The following BCKDHB variants were observed in gnomAD, a reference collection of about 807,000 sequenced individuals.
BCKDHB encodes 2-oxoisovalerate dehydrogenase subunit beta, mitochondrial.
In BCKDHB, 41 loss-of-function variants were observed where a neutral mutation model predicts 48.5. That is an observed-to-expected ratio of 0.85 (90% confidence interval 0.66 to 1.10). The LOEUF (loss-of-function observed/expected upper bound fraction) is 1.10, where lower values mean the gene tolerates loss of function less well. Among genes scored for constraint, BCKDHB ranks in the 50% least tolerant of loss-of-function variants. The pLI, the probability that BCKDHB is intolerant of heterozygous loss-of-function variation, is 0.00. For missense variants in BCKDHB, 496 were observed against 494.2 expected (o/e 1.00, Z -0.03); for synonymous variants, 201 against 174.8 (o/e 1.15, Z -1.18).
At chr6:80,426,615 A>G in the BCKDHB span, among the ~76,000 whole-genome samples, 1 of 152,060 alleles carries the variant, frequency 6.6e-6, no homozygotes, top group Non-Finnish European at 1.5e-5. Context: ...TAAATTTCTA[A>G]AGATGTGGGG....
chr6:80,444,691 C>A, the BCKDHB span, among the ~76,000 whole-genome samples: 1,848 of 152,266 alleles, frequency 0.012, 15 homozygotes, highest in Non-Finnish European at 0.02. Context: ...TAAATGCCTA[C>A]TGCATATGTG....
chr6:80,254,744 C>G (rs1415836679), intron 8 of BCKDHB, among the ~76,000 whole-genome samples: 3 of 151,990 alleles, frequency 2.0e-5, no homozygotes, highest in African/African-American at 7.3e-5. Context: ...AACTACAAGA[C>G]AAAGAAGGCT....
At chr6:80,185,144 G>A (rs1397218411) in intron 6 of BCKDHB, among the ~76,000 whole-genome samples, 2 of 151,734 alleles carry the variant, frequency 1.3e-5, no homozygotes, top group East Asian at 3.9e-4. Flanking sequence ...TTTGTCTTTC[G>A]GTTAATTTGT....
intron 9 of BCKDHB, among the ~76,000 whole-genome samples, chr6:80,297,972 A>AT (rs970897592): frequency 2.6e-4 from 39 of 150,710 alleles, no homozygotes; most frequent in South Asian, 4.2e-4. Context: ...AAAACAGAGG[A>AT]TTTTTTTTTT....
intron 8 of BCKDHB, among the ~76,000 whole-genome samples, chr6:80,212,510 T>C (rs1163159210): frequency 1.3e-5 from 2 of 152,184 alleles, no homozygotes; most frequent in African/African-American, 4.8e-5. Context: ...ATCACTGTTA[T>C]TCTGTTCCTT....
chr6:80,330,460 C>G (rs1363150973), intron 9 of BCKDHB, among the ~76,000 whole-genome samples: 1 of 152,022 alleles, frequency 6.6e-6, no homozygotes, highest in East Asian at 1.9e-4. Flanking sequence ...TTTACTGATC[C>G]CTGCTCCATG....
the BCKDHB span, among the ~76,000 whole-genome samples, chr6:80,411,142 C>T: frequency 3.3e-5 from 5 of 152,116 alleles, no homozygotes; most frequent in African/African-American, 1.2e-4. Flanking sequence ...TGTGGATGTC[C>T]CTTTTGTTGA....
At chr6:80,460,545 A>G in the BCKDHB span, among the ~76,000 whole-genome samples, 3 of 152,172 alleles carry the variant, frequency 2.0e-5, no homozygotes, top group Non-Finnish European at 4.4e-5. Context: ...CAAAACAAAA[A>G]TAGCCCAAGC....
the BCKDHB span, among the ~76,000 whole-genome samples, chr6:80,354,472 A>G: frequency 6.6e-6 from 1 of 152,068 alleles, no homozygotes. Context: ...CAGGCAGTCC[A>G]CCTGCCTTGG....
In BCKDHB at chr6:80,220,304, GTTTTT is replaced by G. The variant is rs56967096; in HGVS notation, c.951+17104_951+17108del. Among the ~76,000 whole-genome samples the G allele has an allele frequency of 8.2e-5, 5 of 60,860 alleles. No homozygotes were observed. In the East Asian group the frequency reaches 1.7e-3, roughly 21 times the overall value. 39.9% of individuals were successfully genotyped at this position (60,860 alleles called of 152,430 possible). On this transcript the variant is annotated intron_variant, in intron 8 of 9. Coordinates refer to ENST00000320393, the MANE Select transcript of BCKDHB (RefSeq NM_183050.4). ...CAGTTATTTTTGTATCATGCTATTT[GTTTTT>G]TTTTTTTTTTTGTCATGTATTTTCC...
In BCKDHB at chr6:80,285,689, C is replaced by T. The variant is rs576850783; in HGVS notation, c.1038+12468C>T. 1.3e-4 allele frequency among the ~76,000 whole-genome samples: 20 copies of T among 152,204 alleles called. No individual in the cohort carries two copies. In the South Asian group the frequency reaches 4.1e-3, roughly 32 times the overall value. On this transcript the variant is annotated intron_variant, in intron 9 of 9. Coordinates refer to ENST00000320393, the MANE Select transcript of BCKDHB (RefSeq NM_183050.4). ...AGCAAAACTATAATATTTTTTGTCA[C>T]CATGGGTAAACTAAGCATTATTTTG...
In BCKDHB at chr6:80,127,584, A is replaced by G. The variant is rs1265896702; in HGVS notation, c.234A>G (p.Thr78=). Residue 78 remains threonine, a synonymous_variant, in exon 2 of 10, where the codon ACA becomes ACG. Coordinates refer to ENST00000320393, the MANE Select transcript of BCKDHB (RefSeq NM_183050.4). ...AAATGAATCTTTTCCAGTCTGTAAC[A>G]AGTGCCTTGGATAACTCATTGGCCA... is the stretch of plus-strand genomic sequence containing the variant. ...TQKMNLFQSV[T]SALDNSLAKD... is the part of the protein sequence containing the mutation. 6.2e-7 allele frequency: 1 copy of G among 1,613,320 alleles called. No individual in the cohort carries two copies. Among genetic ancestry groups the G allele is most frequent in the Non-Finnish European group, 8.5e-7 (1 of 1,179,546 alleles).
chr6:80,382,366 C>T, the BCKDHB span, among the ~76,000 whole-genome samples: 1 of 152,078 alleles, frequency 6.6e-6, no homozygotes, highest in Non-Finnish European at 1.5e-5. Context: ...ATTCAGAGAG[C>T]CTATGATTCT....
At position 80,344,077 on chromosome 6, in the gene BCKDHB, T is replaced by G. The variant is rs975206720; in HGVS notation, c.*273T>G. 2.5e-5 allele frequency: 11 copies of G among 441,978 alleles called. No homozygotes were observed. The highest frequency in any genetic ancestry group is 2.1e-4 in the South Asian group (10 of 47,170). 27.4% of individuals were successfully genotyped at this position (441,978 alleles called of 1,614,324 possible). On this transcript the variant is annotated 3_prime_UTR_variant, in exon 10 of 10. Coordinates refer to ENST00000320393, the MANE Select transcript of BCKDHB (RefSeq NM_183050.4). ...CTGCAGTGGTGCAATCTCAGCTCAC[T>G]GCAACCTCCCCCCTACCCCTGAGTT...
At chr6:80,233,580 A>G (rs1301982383) in intron 8 of BCKDHB, among the ~76,000 whole-genome samples, 1 of 152,138 alleles carries the variant, frequency 6.6e-6, no homozygotes, top group Non-Finnish European at 1.5e-5. Flanking sequence ...ATTAATCTTA[A>G]TTAGGCCTCC....
At chr6:80,201,623 C>T (rs577354818) in intron 7 of BCKDHB, among the ~76,000 whole-genome samples, 1 of 152,222 alleles carries the variant, frequency 6.6e-6, no homozygotes, top group South Asian at 2.1e-4. Flanking sequence ...CATTACTTTG[C>T]TGCTCACGTG....
At chr6:80,404,561 G>A in the BCKDHB span, among the ~76,000 whole-genome samples, 4 of 151,314 alleles carry the variant, frequency 2.6e-5, no homozygotes, top group Middle Eastern at 3.2e-3. Context: ...CCTCTATCTC[G>A]TTTCTTTCTG....
At chr6:80,369,012 C>CG in the BCKDHB span, among the ~76,000 whole-genome samples, 1 of 19,522 alleles carries the variant, frequency 5.1e-5, no homozygotes, top group African/African-American at 6.6e-5. Context: ...GACTCCATCT[C>CG]AAAAAAAAAA....
chr6:80,344,598 G>C lies in BCKDHB; in HGVS notation c.*794G>C, dbSNP rs1030979107. 1 of 152,136 alleles carries C rather than the reference G, an allele frequency of 6.6e-6. No individual in the cohort carries two copies. The highest frequency in any genetic ancestry group is 2.4e-5 in the African/African-American group (1 of 41,360). 9.4% of individuals were successfully genotyped at this position (152,136 alleles called of 1,614,324 possible). Reference sequence around the variant, plus strand: ...TTGACCTTGTGTTCCACCCGCCTTGGCCTCCCAAAGTGCTGGAATTACAGG... The same window carrying C: ...TTGACCTTGTGTTCCACCCGCCTTGCCCTCCCAAAGTGCTGGAATTACAGG... On this transcript the variant is annotated 3_prime_UTR_variant, in exon 10 of 10. Coordinates refer to ENST00000320393, the MANE Select transcript of BCKDHB (RefSeq NM_183050.4).
Sources: allele counts gnomAD v4.1 joint callset (sites outside exome capture counted in the v4.1 genomes callset), GRCh38; gene constraint gnomAD v4.1.1; transcripts MANE v1.5; gene names NCBI Gene and HGNC (gene_info 2026-07-23, HGNC 2026-07-21).